PDZD8: variants seen among roughly 807,000 people sequenced by gnomAD.
The protein encoded by PDZD8 is PDZ domain containing 8, also known as PDZ domain-containing protein 8.
PDZD8 carries 14 observed loss-of-function variants against 85.8 expected under a neutral mutation model. That is an observed-to-expected ratio of 0.16 (90% CI 0.11 to 0.26). PDZD8 has a LOEUF of 0.26. Among genes scored for constraint, PDZD8 ranks in the 10% least tolerant of loss-of-function variants. The pLI is 1.00. For synonymous variants in PDZD8, 592 were observed against 568.6 expected (o/e 1.04, Z -0.59); for missense variants, 1,197 against 1,424.3 (o/e 0.84, Z 2.57).
chr10:117,321,410 T>C (rs1844223363), intron 2 of PDZD8, among the ~76,000 whole-genome samples: 1 of 152,192 alleles, frequency 6.6e-6, no homozygotes, highest in Non-Finnish European at 1.5e-5. Context: ...TATTGTATGA[T>C]TCCATTCATA....
intron 3 of PDZD8, among the ~76,000 whole-genome samples, chr10:117,302,301 T>G (rs1843860485): frequency 6.6e-6 from 1 of 152,168 alleles, no homozygotes. Context: ...AGATACCACA[T>G]TTACTAGGTG....
chr10:117,306,656 TG>T (rs551163282), intron 3 of PDZD8, among the ~76,000 whole-genome samples: 197 of 4,670 alleles, frequency 0.042, 2 homozygotes, highest in South Asian at 0.094. Flanking sequence ...AGATAGGTTT[TG>T]TTTTTTTTTT....
At chr10:117,332,921 C>T (rs1844445418) in intron 2 of PDZD8, among the ~76,000 whole-genome samples, 1 of 150,862 alleles carries the variant, frequency 6.6e-6, no homozygotes, top group Admixed American at 6.6e-5. Context: ...AGTTTGAGAC[C>T]AGCCAGGCCA....
intron 1 of PDZD8, among the ~76,000 whole-genome samples, chr10:117,362,276 T>C (rs945473704): frequency 6.6e-6 from 1 of 152,146 alleles, no homozygotes; most frequent in Non-Finnish European, 1.5e-5. Flanking sequence ...CAGGATAAGA[T>C]GCAGCCTGCA....
At position 117,344,031 on chromosome 10, in the gene PDZD8, TAACCTATTAACTCAAA is replaced by T. The variant is rs551682040; in HGVS notation, c.873-2945_873-2930del. ...AATCCATTAGTCTTTATTTCCTAAT[TAACCTATTAACTCAAA>T]AATGTCAGTTTTCTCACTCAGGCTT... On this transcript the variant is annotated intron_variant, in intron 1 of 4. Transcript: ENST00000334464. Among the ~76,000 whole-genome samples, 1,132 of 152,286 alleles carry T rather than the reference TAACCTATTAACTCAAA, an allele frequency of 7.4e-3. 17 individuals carry two copies. The highest frequency in any genetic ancestry group is 0.026 in the African/African-American group (1,081 of 41,542).
intron 3 of PDZD8, chr10:117,314,369 TA>T (rs1844088253): frequency 6.6e-6 from 1 of 152,134 alleles, no homozygotes. Context: ...GTCCAAAATC[TA>T]GGAGGTGAAT....
intron 3 of PDZD8, among the ~76,000 whole-genome samples, chr10:117,312,646 G>A (rs1844058161): frequency 6.6e-6 from 1 of 152,132 alleles, no homozygotes; most frequent in African/African-American, 2.4e-5. Flanking sequence ...TATCTTCATT[G>A]CTCTACAGAT....
At chr10:117,320,559 C>T (rs1201380308) in intron 2 of PDZD8, among the ~76,000 whole-genome samples, 1 of 151,852 alleles carries the variant, frequency 6.6e-6, no homozygotes, top group Non-Finnish European at 1.5e-5. Context: ...AATTAACAGA[C>T]CTGAATATAA....
intron 2 of PDZD8, among the ~76,000 whole-genome samples, chr10:117,332,201 A>G (rs1413744980): frequency 6.6e-6 from 1 of 152,204 alleles, no homozygotes; most frequent in Non-Finnish European, 1.5e-5. Flanking sequence ...TCTGGTTTTC[A>G]AAAGCATTCA....
At chr10:117,369,058 T>C (rs1243770220) in intron 1 of PDZD8, among the ~76,000 whole-genome samples, 1 of 152,056 alleles carries the variant, frequency 6.6e-6, no homozygotes, top group Non-Finnish European at 1.5e-5. Context: ...GGTCTCGAAC[T>C]CCTGACCTCA....
At chr10:117,294,529 G>A (rs916797251) in intron 3 of PDZD8, among the ~76,000 whole-genome samples, 4 of 152,082 alleles carry the variant, frequency 2.6e-5, no homozygotes, top group East Asian at 1.9e-4. Flanking sequence ...AATGAAATTG[G>A]TATGATGAAG....
chr10:117,277,457 G>T lies in PDZD8; in HGVS notation c.*5811C>A. On this transcript the variant is annotated 3_prime_UTR_variant, in exon 5 of 5. Transcript: ENST00000334464. The stretch of plus-strand genomic sequence containing the variant: ...TATAAAGAAAAAGAAGCTTTTCTAG[G>T]GGTTTGTATAAATAGTGTTGAAACT... 2.6e-6 allele frequency: 1 copy of T among 385,880 alleles called. No homozygotes were observed. Among genetic ancestry groups the T allele is most frequent in the South Asian group, 7.0e-5 (1 of 14,318 alleles). 23.9% of individuals were successfully genotyped at this position (385,880 alleles called of 1,614,324 possible).
intron 3 of PDZD8, among the ~76,000 whole-genome samples, chr10:117,317,378 A>G (rs545402299): frequency 4.0e-5 from 6 of 151,486 alleles, no homozygotes; most frequent in Admixed American, 1.3e-4. Flanking sequence ...CCTCCCTAGG[A>G]ATATTAAATT....
At chr10:117,353,154 T>G (rs922561546) in intron 1 of PDZD8, among the ~76,000 whole-genome samples, 4 of 152,226 alleles carry the variant, frequency 2.6e-5, no homozygotes. Flanking sequence ...TCATGGGCTC[T>G]CTATTAAATT....
At position 117,280,020 on chromosome 10, in the gene PDZD8, A is replaced by C. The variant is rs1275490858; in HGVS notation, c.*3248T>G. 6.6e-6 allele frequency: 1 copy of C among 152,182 alleles called. No homozygotes were observed. 9.4% of individuals were successfully genotyped at this position (152,182 alleles called of 1,614,324 possible). On this transcript the variant is annotated 3_prime_UTR_variant, in exon 5 of 5. Transcript: ENST00000334464. ...TATTTATCTTATTTTTAAGAGCCAA[A>C]TATTTCCAAATTGCTTTAAAAAAAA...
At chr10:117,303,441 G>C (rs553463749) in intron 3 of PDZD8, among the ~76,000 whole-genome samples, 18 of 152,326 alleles carry the variant, frequency 1.2e-4, no homozygotes, top group Admixed American at 9.8e-4. Flanking sequence ...AAGGGAAACA[G>C]AGCATAAAAG....
chr10:117,357,284 A>G (rs1844911730), intron 1 of PDZD8, among the ~76,000 whole-genome samples: 1 of 152,084 alleles, frequency 6.6e-6, no homozygotes, highest in Middle Eastern at 3.2e-3. Flanking sequence ...AGTCTCAGCT[A>G]CTTGGGAGGC....
rs751923441 is a variant in PDZD8 at position 117,284,248 on chromosome 10, GCTC to G, written c.2482_2484del (p.Glu828del). 6.2e-7 allele frequency: 1 copy of G among 1,614,122 alleles called. No homozygotes were observed. Among genetic ancestry groups the G allele is most frequent in the Non-Finnish European group, 8.5e-7 (1 of 1,180,024 alleles). On this transcript the variant is annotated inframe_deletion, in exon 5 of 5. Coordinates refer to ENST00000334464, the MANE Select transcript of PDZD8 (RefSeq NM_173791.5). ...GTTAAACCCATCTGTCCAACAAATT[GCTC>G]CTCTTTAGGGAGAACAGAAACTTCT...
In PDZD8 at chr10:117,363,889, T is replaced by C. The variant is rs141872964; in HGVS notation, c.872+10467A>G. On this transcript the variant is annotated intron_variant, in intron 1 of 4. Transcript: ENST00000334464. Reference sequence around the variant, plus strand: ...ATAAAGAGAAATGTGTTCTAAAGCATTGTGATTTCATGAAAATTGGCAATT... The same window carrying C: ...ATAAAGAGAAATGTGTTCTAAAGCACTGTGATTTCATGAAAATTGGCAATT... 1.7e-4 allele frequency among the ~76,000 whole-genome samples: 26 copies of C among 152,286 alleles called. No homozygotes were observed. In the East Asian group the frequency reaches 2.3e-3, roughly 14 times the overall value.
Sources: allele counts gnomAD v4.1 joint callset (sites outside exome capture counted in the v4.1 genomes callset), GRCh38; gene constraint gnomAD v4.1.1; transcripts MANE v1.5; gene names NCBI Gene and HGNC (gene_info 2026-07-23, HGNC 2026-07-21).